PLA2G4C: variants seen among roughly 807,000 people sequenced by gnomAD.
The protein encoded by PLA2G4C is cytosolic phospholipase A2 gamma.
PLA2G4C carries 64 observed loss-of-function variants against 73.8 expected under a neutral mutation model. The ratio of observed to expected loss-of-function variants is 0.87; its 90% CI spans 0.71 to 1.07. PLA2G4C has a LOEUF of 1.07. PLA2G4C is among the 50% of genes least tolerant of loss of function. PLA2G4C has a pLI of 0.00. For synonymous variants in PLA2G4C, 254 were observed against 252.1 expected, an observed-to-expected ratio of 1.01 and a Z score of -0.07; for missense variants, 622 against 665.4, an observed-to-expected ratio of 0.93 and a Z score of 0.72.
intron 14 of PLA2G4C, among the ~76,000 whole-genome samples, chr19:48,057,529 G>A (rs1418188870): frequency 1.1e-5 from 1 of 87,362 alleles, no homozygotes; most frequent in Non-Finnish European, 2.2e-5. Context: ...TCGCTCTGTT[G>A]CCCAGGCTGG....
intron 9 of PLA2G4C, among the ~76,000 whole-genome samples, chr19:48,088,340 G>A (rs1419312917): frequency 6.6e-6 from 1 of 151,008 alleles, no homozygotes. Flanking sequence ...TAATTAGCTA[G>A]GGACATTAAA....
chr19:48,059,764 C>CT (rs571325645), intron 14 of PLA2G4C, among the ~76,000 whole-genome samples: 4,099 of 122,454 alleles, frequency 0.033, 328 homozygotes, highest in African/African-American at 0.12. Flanking sequence ...GGCTTCCCTA[C>CT]TTTTTTTTTT....
intron 16 of PLA2G4C, 41 bp from the exon 17 acceptor site, chr19:48,048,429 T>C (rs1967602225): frequency 3.4e-6 from 5 of 1,470,052 alleles, no homozygotes; most frequent in African/African-American, 1.4e-5. Flanking sequence ...CTGTGCTTTG[T>C]AGGCAGTGTT....
At chr19:48,086,871 T>G (rs966576116) in intron 9 of PLA2G4C, among the ~76,000 whole-genome samples, 1 of 152,186 alleles carries the variant, frequency 6.6e-6, no homozygotes, top group East Asian at 1.9e-4. Flanking sequence ...GAAGCCAACC[T>G]ACTAAGGCTG....
Position 48,099,878 on chromosome 19 carries a change from A to C in PLA2G4C, c.258-18T>G. The C allele has an allele frequency of 6.3e-7, 1 of 1,584,530 alleles. No homozygotes were observed. Among genetic ancestry groups the C allele is most frequent in the Non-Finnish European group, 8.7e-7 (1 of 1,155,838 alleles). Reference sequence around the variant, plus strand: ...ATATTGCCCTGGAGGACAGAGGAAGAGAGTGAGTTGGGCATTTTAAGTGTG... The same window carrying C: ...ATATTGCCCTGGAGGACAGAGGAAGCGAGTGAGTTGGGCATTTTAAGTGTG... On this transcript the variant is annotated intron_variant, in intron 4 of 16. Coordinates refer to ENST00000599921, the MANE Select transcript of PLA2G4C (RefSeq NM_003706.3).
intron 6 of PLA2G4C, chr19:48,097,900 T>C (rs2031683772): frequency 5.0e-6 from 2 of 397,294 alleles, no homozygotes; most frequent in Admixed American, 9.0e-5. Context: ...ATTACAAGCG[T>C]GAGCCACCAT....
intron 2 of PLA2G4C, among the ~76,000 whole-genome samples, 169 bp downstream of exon 2, chr19:48,106,353 A>G (rs1170141328): frequency 6.6e-6 from 1 of 152,108 alleles, no homozygotes; most frequent in East Asian, 1.9e-4. Context: ...TCGGCCACCA[A>G]AAGTGCTGGG....
intron 13 of PLA2G4C, among the ~76,000 whole-genome samples, chr19:48,066,528 G>T (rs909617575): frequency 6.6e-6 from 1 of 152,018 alleles, no homozygotes; most frequent in South Asian, 2.1e-4. Flanking sequence ...TCCAGCCAGG[G>T]TTCCCTTCCC....
chr19:48,071,587 AC>A (rs1968660347), intron 12 of PLA2G4C, among the ~76,000 whole-genome samples: 1 of 151,756 alleles, frequency 6.6e-6, no homozygotes, highest in African/African-American at 2.4e-5. Flanking sequence ...ATGAGCCACC[AC>A]ACCCGGCCAT....
At chr19:48,094,240 C>A (rs1368001248) in intron 7 of PLA2G4C, among the ~76,000 whole-genome samples, 1 of 152,162 alleles carries the variant, frequency 6.6e-6, no homozygotes, top group Non-Finnish European at 1.5e-5. Context: ...ACTCTCCAGT[C>A]CCTTACCATG....
intron 3 of PLA2G4C, 58 bp downstream of exon 3, chr19:48,105,275 C>G: frequency 8.5e-7 from 1 of 1,173,212 alleles, no homozygotes; most frequent in Non-Finnish European, 1.3e-6. Flanking sequence ...GCCCTGGACA[C>G]TGGGCACAGA....
At chr19:48,098,057 G>C (rs971333484) in intron 6 of PLA2G4C, 82 bp downstream of exon 6, 4 of 1,475,794 alleles carry the variant, frequency 2.7e-6, no homozygotes, top group Non-Finnish European at 3.7e-6. Context: ...TCCCCAAGGG[G>C]AGGGCAGGGA....
At chr19:48,094,076 C>G (rs868115286) in intron 7 of PLA2G4C, among the ~76,000 whole-genome samples, 1 of 152,070 alleles carries the variant, frequency 6.6e-6, no homozygotes, top group African/African-American at 2.4e-5. Flanking sequence ...AGTATGAAAA[C>G]GGACTAATAC....
chr19:48,099,877 G>T lies in PLA2G4C; in HGVS notation c.258-17C>A, dbSNP rs1475223255. On this transcript the variant is annotated splice_polypyrimidine_tract_variant and intron_variant, in intron 4 of 16. Transcript: ENST00000599921. ...GATATTGCCCTGGAGGACAGAGGAAGAGAGTGAGTTGGGCATTTTAAGTGT... is the reference window on the plus strand; with the variant it reads ...GATATTGCCCTGGAGGACAGAGGAATAGAGTGAGTTGGGCATTTTAAGTGT... The T allele has an allele frequency of 1.3e-6, 2 of 1,586,766 alleles. No homozygotes were observed. Among genetic ancestry groups the T allele is most frequent in the South Asian group, 1.1e-5 (1 of 89,896 alleles).
chr19:48,067,807 G>A lies in PLA2G4C; in HGVS notation c.1086C>T (p.Asn362=). The change falls in exon 13 of 17, where the codon AAC becomes AAT. Residue 362 remains asparagine, a synonymous_variant. Coordinates refer to ENST00000599921, the MANE Select transcript of PLA2G4C (RefSeq NM_003706.3). ...TCTTCTCACCGTGTTTGTACAGGAA[G>A]TTGTGAGTGGTCCCCCATTCCCACT... is the stretch of plus-strand genomic sequence containing the variant. ...ASKWEWGTTH[N]FLYKHGGIRD... 1 of 1,609,796 alleles carries A rather than the reference G, an allele frequency of 6.2e-7. No homozygotes were observed. Among genetic ancestry groups the A allele is most frequent in the Non-Finnish European group, 8.5e-7 (1 of 1,176,110 alleles).
intron 12 of PLA2G4C, among the ~76,000 whole-genome samples, chr19:48,069,865 A>G (rs1968590612): frequency 6.6e-6 from 1 of 152,126 alleles, no homozygotes; most frequent in Non-Finnish European, 1.5e-5. Flanking sequence ...CCTGCGCTCA[A>G]GTGATTCTCC....
At position 48,055,017 on chromosome 19, in the gene PLA2G4C, G is replaced by T. The variant is rs1163372219; in HGVS notation, c.1290C>A (p.Arg430=). 1 of 1,612,756 alleles carries T rather than the reference G, an allele frequency of 6.2e-7. No individual in the cohort carries two copies. The highest frequency in any genetic ancestry group is 1.1e-5 in the South Asian group (1 of 90,932). The change falls in exon 15 of 17, where the codon CGC becomes CGA. Residue 430 remains arginine, a synonymous_variant. Coordinates refer to ENST00000599921, the MANE Select transcript of PLA2G4C (RefSeq NM_003706.3). The part of the protein sequence containing the change: ...TIRATTDYCR[R]HKIPFPQVEE... Reference sequence around the variant, plus strand: ...CTACTTGGGGAAAGGGGATCTTGTGGCGGCGGCAGTAGTCAGTGGTAGCCC... The same window carrying T: ...CTACTTGGGGAAAGGGGATCTTGTGTCGGCGGCAGTAGTCAGTGGTAGCCC...
At chr19:48,087,473 TCA>T (rs1217410863) in intron 9 of PLA2G4C, among the ~76,000 whole-genome samples, 1 of 152,150 alleles carries the variant, frequency 6.6e-6, no homozygotes, top group Admixed American at 6.5e-5. Flanking sequence ...AGAGACAGAT[TCA>T]CAGTTCCTCT....
intron 4 of PLA2G4C, among the ~76,000 whole-genome samples, chr19:48,103,820 T>G (rs1045612662): frequency 6.6e-6 from 1 of 152,192 alleles, no homozygotes; most frequent in African/African-American, 2.4e-5. Flanking sequence ...TGTCCATGGC[T>G]TTGTGTAGCA....
Sources: gnomAD v4.1 joint callset for allele counts (sites outside exome capture counted in the v4.1 genomes callset) on GRCh38, gnomAD v4.1.1 for gene constraint, MANE v1.5 for transcripts, NCBI Gene and HGNC (gene_info 2026-07-23, HGNC 2026-07-21) for gene names.